Variants in TEK observed in about 807,000 individuals in gnomAD.
TEK encodes the protein angiopoietin-1 receptor.
A neutral mutation model predicts 131.8 loss-of-function variants in TEK; 43 were observed. That is an observed-to-expected ratio of 0.33 (90% CI 0.26 to 0.42). TEK has a LOEUF of 0.42. Among genes scored for constraint, TEK ranks in the 10% least tolerant of loss-of-function variants. TEK has a pLI of 1.00. For synonymous variants in TEK, 580 were observed against 491.6 expected (o/e 1.18, Z -2.38); for missense variants, 1,162 against 1,384.4 (o/e 0.84, Z 2.55).
At chr9:27,225,626 T>C (rs1274382619) in intron 21 of TEK, among the ~76,000 whole-genome samples, 1 of 152,108 alleles carries the variant, frequency 6.6e-6, no homozygotes, top group Non-Finnish European at 1.5e-5. Context: ...TCTAAAACCA[T>C]AAAAACCCTA....
rs371486685 is a variant in TEK at position 27,168,476 on chromosome 9, G to A, written c.365-19G>A. On this transcript the variant is annotated intron_variant, in intron 2 of 22. Coordinates refer to ENST00000380036, the MANE Select transcript of TEK (RefSeq NM_000459.5). ...ATGTGTGATCCCATTTTTGGTATTT[G>A]TTTTCTCTCTTTTAAAAGCTTCCTT... 72 of 1,596,356 alleles carry A rather than the reference G, an allele frequency of 4.5e-5. No individual in the cohort carries two copies. The African/African-American group carries it at 9.0e-4, about 20-fold the overall frequency.
chr9:27,114,847 A>G (rs1206548186), intron 1 of TEK, among the ~76,000 whole-genome samples: 1 of 152,206 alleles, frequency 6.6e-6, no homozygotes, highest in African/African-American at 2.4e-5. Flanking sequence ...AATATTACCT[A>G]TAACATAGTC....
chr9:27,157,428 ATACTT>A (rs1369782711), intron 1 of TEK, among the ~76,000 whole-genome samples: 3 of 152,196 alleles, frequency 2.0e-5, no homozygotes, highest in Non-Finnish European at 2.9e-5. Context: ...TTTCTTTAGA[ATACTT>A]TATTATTGTG....
At chr9:27,173,015 T>C (rs1824021274) in intron 5 of TEK, among the ~76,000 whole-genome samples, 2 of 152,044 alleles carry the variant, frequency 1.3e-5, no homozygotes, top group African/African-American at 2.4e-5. Flanking sequence ...ACCTGCATGA[T>C]TGTGAGTGAT....
At chr9:27,206,553 A>G (rs1272866888) in intron 14 of TEK, 29 bp from the exon 15 acceptor site, 2 of 1,602,328 alleles carry the variant, frequency 1.2e-6, no homozygotes, top group East Asian at 4.5e-5. Context: ...AAATCCTGAC[A>G]CAAAATGATG....
At chr9:27,191,788 T>C (rs1012104204) in intron 10 of TEK, 5 of 368,834 alleles carry the variant, frequency 1.4e-5, no homozygotes, top group South Asian at 6.3e-5. Flanking sequence ...TTTGCTGTCA[T>C]ATGGTGGTAA....
chr9:27,182,026 C>G (rs1824396967), intron 7 of TEK, among the ~76,000 whole-genome samples: 1 of 152,100 alleles, frequency 6.6e-6, no homozygotes, highest in Non-Finnish European at 1.5e-5. Flanking sequence ...CAAGCCTGGA[C>G]TTTACTACAG....
chr9:27,215,112 C>T lies in TEK; in HGVS notation c.2991+1515C>T, dbSNP rs147792645. ...GGATAACACAGGATAACTCCACAAT[C>T]TACCCATTCTATTTGGATGCTCTCC... On this transcript the variant is annotated intron_variant, in intron 18 of 22. Transcript: ENST00000380036. 7.3e-3 allele frequency among the ~76,000 whole-genome samples: 1,106 copies of T among 152,306 alleles called. 11 individuals carry two copies. Among genetic ancestry groups the T allele is most frequent in the Admixed American group, 0.018 (278 of 15,300 alleles).
chr9:27,109,583 G>A lies in TEK; in HGVS notation c.-8G>A, dbSNP rs967448543. 6.2e-7 allele frequency: 1 copy of A among 1,614,122 alleles called. No homozygotes were observed. Among genetic ancestry groups the A allele is most frequent in the Non-Finnish European group, 8.5e-7 (1 of 1,179,994 alleles). ...TTGTGGAAACTGGATGGAGAGATTTGGGGAAGCATGGACTCTTTAGCCAGC... is the reference window on the plus strand; with the variant it reads ...TTGTGGAAACTGGATGGAGAGATTTAGGGAAGCATGGACTCTTTAGCCAGC... On this transcript the variant is annotated 5_prime_UTR_variant, in exon 1 of 23. Coordinates refer to ENST00000380036, the MANE Select transcript of TEK (RefSeq NM_000459.5).
intron 8 of TEK, among the ~76,000 whole-genome samples, chr9:27,185,139 T>A (rs543139725): frequency 1.3e-5 from 2 of 152,272 alleles, no homozygotes; most frequent in African/African-American, 4.8e-5. Flanking sequence ...GAAGTCACTT[T>A]GTCCTCCCAC....
Position 27,169,426 on chromosome 9 carries a change from G to A in TEK, c.476-51G>A, listed in dbSNP as rs774354692. ...TTAAGTGGAGAAACCAGACAAGGAAGCAGGTATGTTTCAGTGTGACCTACG... is the reference window on the plus strand; with the variant it reads ...TTAAGTGGAGAAACCAGACAAGGAAACAGGTATGTTTCAGTGTGACCTACG... On this transcript the variant is annotated intron_variant, in intron 3 of 22. Transcript: ENST00000380036. The A allele has an allele frequency of 3.7e-6, 6 of 1,610,582 alleles. No individual in the cohort carries two copies. The African/African-American group carries it at 5.3e-5, about 14-fold the overall frequency.
chr9:27,175,791 G>C (rs2131155617), intron 6 of TEK, among the ~76,000 whole-genome samples: 1 of 152,296 alleles, frequency 6.6e-6, no homozygotes, highest in South Asian at 2.1e-4. Context: ...GTCTTCTTTA[G>C]AGAAGTGTCT....
intron 21 of TEK, among the ~76,000 whole-genome samples, chr9:27,226,948 G>C (rs1421821732): frequency 6.6e-6 from 1 of 152,064 alleles, no homozygotes; most frequent in Admixed American, 6.6e-5. Context: ...AGTGAAGGAG[G>C]GTGTTAATCT....
chr9:27,147,108 G>A (rs1822956554), intron 1 of TEK, among the ~76,000 whole-genome samples: 1 of 152,138 alleles, frequency 6.6e-6, no homozygotes, highest in African/African-American at 2.4e-5. Flanking sequence ...ATACGTAAGT[G>A]TATGTTTAAC....
chr9:27,156,982 G>C (rs1564065575), intron 1 of TEK, among the ~76,000 whole-genome samples: 1 of 152,098 alleles, frequency 6.6e-6, no homozygotes, highest in Non-Finnish European at 1.5e-5. Context: ...AATCAAAAAA[G>C]GGAGGGGTGG....
chr9:27,122,352 C>A (rs141790868), intron 1 of TEK, among the ~76,000 whole-genome samples: 1 of 152,132 alleles, frequency 6.6e-6, no homozygotes, highest in African/African-American at 2.4e-5. Flanking sequence ...GAAGGGAGAA[C>A]AGGATTATGG....
chr9:27,186,291 G>A (rs752206713), intron 9 of TEK, among the ~76,000 whole-genome samples: 17 of 152,118 alleles, frequency 1.1e-4, no homozygotes, highest in Non-Finnish European at 2.2e-4. Flanking sequence ...CTTGGCTGGT[G>A]TACGTAGCTA....
At chr9:27,144,022 G>A (rs553094904) in intron 1 of TEK, among the ~76,000 whole-genome samples, 34 of 152,326 alleles carry the variant, frequency 2.2e-4, no homozygotes, top group African/African-American at 7.0e-4. Flanking sequence ...GGTGGCTTAC[G>A]CCTGTAATCC....
intron 16 of TEK, chr9:27,210,224 GTAA>G (rs1411402144): frequency 1.3e-5 from 2 of 152,100 alleles, no homozygotes; most frequent in Non-Finnish European, 2.9e-5. Context: ...CCTGAAAACA[GTAA>G]TGAGCATGGC....
Sources: allele counts gnomAD v4.1 joint callset (sites outside exome capture counted in the v4.1 genomes callset), GRCh38; gene constraint gnomAD v4.1.1; transcripts MANE v1.5; gene names NCBI Gene and HGNC (gene_info 2026-07-23, HGNC 2026-07-21).